Variants in FIGLA observed in about 807,000 individuals in gnomAD.
FIGLA encodes folliculogenesis specific bHLH transcription factor, also known as factor in the germline alpha.
In FIGLA, 17 loss-of-function variants were observed where a neutral mutation model predicts 21.5. The observed-to-expected ratio is 0.79, with a 90% CI of 0.54 to 1.19. The LOEUF (loss-of-function observed/expected upper bound fraction) is 1.19. Ranked by LOEUF, FIGLA falls within the 50% of genes most tolerant of loss-of-function variation. The pLI is 0.00. For missense variants in FIGLA, 282 were observed against 285.0 expected, an observed-to-expected ratio of 0.99 and a Z score of 0.08; for synonymous variants, 129 against 117.6, an observed-to-expected ratio of 1.10 and a Z score of -0.63.
At chr2:70,785,681 A>G in intron 2 of FIGLA, 42 bp from the exon 3 acceptor site, 2 of 1,479,486 alleles carry the variant, frequency 1.4e-6, no homozygotes, top group Non-Finnish European at 1.9e-6. Context: ...AATATGACAG[A>G]AAGATTTTGA....
intron 3 of FIGLA, among the ~76,000 whole-genome samples, chr2:70,784,074 G>A (rs1449302402): frequency 3.3e-5 from 5 of 151,554 alleles, no homozygotes; most frequent in African/African-American, 4.9e-5. Flanking sequence ...TGGGTTGACT[G>A]GCCAGCGAAA....
chr2:70,786,446 G>A lies in FIGLA; in HGVS notation c.385-807C>T, dbSNP rs531668673. 7.3e-5 allele frequency among the ~76,000 whole-genome samples: 11 copies of A among 151,208 alleles called. No individual in the cohort carries two copies. The South Asian group carries it at 1.7e-3, about 23-fold the overall frequency. On this transcript the variant is annotated intron_variant, in intron 2 of 4. Coordinates refer to ENST00000332372, the MANE Select transcript of FIGLA (RefSeq NM_001004311.3). ...AGCCTCCTGAGTAGCTGGGACTACC[G>A]GCGCCTGCCACCACGCCCGGCTAAT...
At chr2:70,786,310 T>C (rs1675954983) in intron 2 of FIGLA, among the ~76,000 whole-genome samples, 1 of 150,232 alleles carries the variant, frequency 6.7e-6, no homozygotes, top group South Asian at 2.2e-4. Context: ...CTAGGTTTTC[T>C]TTTTTTTGGG....
chr2:70,781,540 C>A (rs1000766479), intron 3 of FIGLA, among the ~76,000 whole-genome samples: 2 of 152,088 alleles, frequency 1.3e-5, no homozygotes, highest in African/African-American at 4.8e-5. Context: ...ATAAAAACAA[C>A]CAAAATGTTC....
intron 3 of FIGLA, among the ~76,000 whole-genome samples, chr2:70,785,120 A>T (rs537773900): frequency 6.6e-6 from 1 of 152,110 alleles, no homozygotes; most frequent in South Asian, 2.1e-4. Context: ...ATCATTTAAA[A>T]GATAAACTTA....
In FIGLA at chr2:70,787,643, C is replaced by A. The variant is rs782288538; in HGVS notation, c.384+6G>T. 2.6e-6 allele frequency: 4 copies of A among 1,556,180 alleles called. No individual in the cohort carries two copies. The highest frequency in any genetic ancestry group is 3.5e-6 in the Non-Finnish European group (4 of 1,149,552). On this transcript the variant is annotated splice_donor_region_variant and intron_variant, in intron 2 of 4. Transcript: ENST00000332372. ...CTATCATTATTCTAAAATCTTACAC[C>A]TTTACCTTTGAGTCTTTGGCTCCTT... is the stretch of plus-strand genomic sequence containing the variant.
At chr2:70,783,551 C>A (rs574459627) in intron 3 of FIGLA, among the ~76,000 whole-genome samples, 2 of 152,282 alleles carry the variant, frequency 1.3e-5, no homozygotes, top group Admixed American at 6.5e-5. Flanking sequence ...GAAGGTGTAG[C>A]CAGGTGGCTC....
In FIGLA at chr2:70,783,032, T is replaced by TG. The variant is rs560088943; in HGVS notation, c.609+2382dup. Among the ~76,000 whole-genome samples the TG allele has an allele frequency of 2.0e-3, 282 of 141,996 alleles. 2 individuals carry two copies. The highest frequency in any genetic ancestry group is 7.2e-3 in the African/African-American group (269 of 37,516). 93.2% of individuals were successfully genotyped at this position (141,996 alleles called of 152,430 possible). ...GAGATGGTGCCACTGCACTCCAGCC[T>TG]GGCAACAGAGCGAGACTCTGTCTCA... On this transcript the variant is annotated intron_variant, in intron 3 of 4. Coordinates refer to ENST00000332372, the MANE Select transcript of FIGLA (RefSeq NM_001004311.3).
intron 3 of FIGLA, among the ~76,000 whole-genome samples, chr2:70,783,745 C>T (rs1283045370): frequency 2.0e-5 from 3 of 150,000 alleles, no homozygotes; most frequent in African/African-American, 4.9e-5. Flanking sequence ...GTCACCCAGG[C>T]TGGAATGCAG....
intron 2 of FIGLA, among the ~76,000 whole-genome samples, chr2:70,786,565 A>G (rs1675960748): frequency 6.6e-6 from 1 of 152,140 alleles, no homozygotes; most frequent in Admixed American, 6.5e-5. Flanking sequence ...CAGCCTCCCA[A>G]AGTGCTGGGA....
chr2:70,780,937 C>A (rs1189736612), intron 3 of FIGLA, among the ~76,000 whole-genome samples: 1 of 152,070 alleles, frequency 6.6e-6, no homozygotes, highest in Non-Finnish European at 1.5e-5. Context: ...CATGGTACAG[C>A]CCAATCAGGA....
chr2:70,790,077 C>G (rs551046489), intron 1 of FIGLA, among the ~76,000 whole-genome samples: 72 of 152,314 alleles, frequency 4.7e-4, no homozygotes, highest in African/African-American at 1.6e-3. Flanking sequence ...ACCCCCTGGG[C>G]GCGAAGCTTT....
intron 2 of FIGLA, among the ~76,000 whole-genome samples, chr2:70,786,586 G>A (rs1553390079): frequency 6.6e-6 from 1 of 152,160 alleles, no homozygotes; most frequent in African/African-American, 2.4e-5. Flanking sequence ...TTATAGGCGT[G>A]AGCCACCGCG....
chr2:70,789,376 C>G (rs1676015341), intron 1 of FIGLA, among the ~76,000 whole-genome samples: 1 of 152,070 alleles, frequency 6.6e-6, no homozygotes. Context: ...CAATTCCTTC[C>G]TGGTGGGAAG....
chr2:70,782,984 G>C (rs1331840961), intron 3 of FIGLA, among the ~76,000 whole-genome samples: 4 of 151,418 alleles, frequency 2.6e-5, no homozygotes, highest in Non-Finnish European at 4.4e-5. Flanking sequence ...CTTGAACCCG[G>C]GAGGCGGAGG....
chr2:70,790,591 C>G lies in FIGLA; in HGVS notation c.48G>C (p.Ala16=). The G allele has an allele frequency of 6.8e-7, 1 of 1,478,222 alleles. No individual in the cohort carries two copies. Among genetic ancestry groups the G allele is most frequent in the Non-Finnish European group, 8.9e-7 (1 of 1,120,758 alleles). 91.6% of individuals were successfully genotyped at this position (1,478,222 alleles called of 1,614,324 possible). A position where few individuals can be genotyped will look rare whatever the true frequency, so the allele number is the denominator to read the frequency against. ...GVLDPRAAPP[A]LLGTPQAEVL... Reference sequence around the variant, plus strand: ...CCTCGGCTTGCGGGGTGCCCAGGAGCGCGGGCGGCGCGGCGCGGGGATCTA... The same window carrying G: ...CCTCGGCTTGCGGGGTGCCCAGGAGGGCGGGCGGCGCGGCGCGGGGATCTA... Residue 16 remains alanine (A), a synonymous_variant, in exon 1 of 5, where the codon GCG becomes GCC. Transcript: ENST00000332372.
intron 1 of FIGLA, among the ~76,000 whole-genome samples, chr2:70,788,198 A>C (rs1227307313): frequency 1.3e-5 from 2 of 152,232 alleles, no homozygotes; most frequent in Non-Finnish European, 2.9e-5. Context: ...CTGTTTGTTC[A>C]TCTGCAAAAT....
chr2:70,788,965 G>A (rs183999807), intron 1 of FIGLA, among the ~76,000 whole-genome samples: 1 of 152,206 alleles, frequency 6.6e-6, no homozygotes, highest in Admixed American at 6.5e-5. Flanking sequence ...TACACCGATA[G>A]GTACCGGTAA....
chr2:70,788,242 T>C (rs923326311), intron 1 of FIGLA, among the ~76,000 whole-genome samples: 3 of 152,198 alleles, frequency 2.0e-5, no homozygotes, highest in African/African-American at 4.8e-5. Context: ...GGGGGTGTGA[T>C]TAAGTGATAT....
Sources: gnomAD v4.1 joint callset for allele counts (sites outside exome capture counted in the v4.1 genomes callset) on GRCh38, gnomAD v4.1.1 for gene constraint, MANE v1.5 for transcripts, NCBI Gene and HGNC (gene_info 2026-07-23, HGNC 2026-07-21) for gene names.